The following LDB2 variants were observed in gnomAD, a reference collection of about 807,000 sequenced individuals.
LDB2 encodes LIM domain-binding protein 2.
In LDB2, 12 loss-of-function variants were observed where a neutral mutation model predicts 44.3. The observed-to-expected ratio is 0.27, with a 90% CI of 0.17 to 0.44. The LOEUF (loss-of-function observed/expected upper bound fraction) is 0.44. Ranked by LOEUF, LDB2 falls within the 20% of genes least tolerant of loss-of-function variation. The pLI is 1.00. For synonymous variants in LDB2, 164 were observed against 174.8 expected, an observed-to-expected ratio of 0.94 and a Z score of 0.49; for missense variants, 344 against 473.5, an observed-to-expected ratio of 0.73 and a Z score of 2.54.
intron 6 of LDB2, among the ~76,000 whole-genome samples, chr4:16,509,917 A>G (rs1011448803): frequency 1.3e-5 from 2 of 152,156 alleles, no homozygotes; most frequent in African/African-American, 4.8e-5. Flanking sequence ...GGAATTCGAG[A>G]CCAACTTGGG....
At chr4:16,821,754 A>G (rs1226720604) in intron 1 of LDB2, among the ~76,000 whole-genome samples, 3 of 148,648 alleles carry the variant, frequency 2.0e-5, no homozygotes, top group Admixed American at 6.7e-5. Flanking sequence ...AGCAAAAAAA[A>G]AAAAAAAAAA....
At chr4:16,836,957 T>C (rs1249578942) in intron 1 of LDB2, among the ~76,000 whole-genome samples, 3 of 152,320 alleles carry the variant, frequency 2.0e-5, no homozygotes, top group African/African-American at 7.2e-5. Context: ...TCATTCATAT[T>C]ACACACACTG....
chr4:16,535,222 C>A (rs908794056), intron 5 of LDB2, among the ~76,000 whole-genome samples: 9 of 152,234 alleles, frequency 5.9e-5, no homozygotes, highest in Middle Eastern at 3.4e-3. Context: ...GCAGGAGAGA[C>A]CCTCATCTAA....
At chr4:16,743,886 A>G (rs1763841610) in intron 2 of LDB2, among the ~76,000 whole-genome samples, 2 of 152,140 alleles carry the variant, frequency 1.3e-5, no homozygotes, top group Admixed American at 1.3e-4. Flanking sequence ...ATTTCGATTC[A>G]CTAAGTTTTT....
chr4:16,605,314 C>T (rs1186573661), intron 2 of LDB2, among the ~76,000 whole-genome samples: 1 of 152,088 alleles, frequency 6.6e-6, no homozygotes, highest in Non-Finnish European at 1.5e-5. Context: ...GAGAGAAATT[C>T]CACGATCAGA....
chr4:16,712,136 C>G (rs573364943), intron 2 of LDB2, among the ~76,000 whole-genome samples: 1 of 152,246 alleles, frequency 6.6e-6, no homozygotes, highest in Non-Finnish European at 1.5e-5. Flanking sequence ...AGTACACACG[C>G]TTGGAGAAAA....
chr4:16,749,658 A>G (rs1462730951), intron 2 of LDB2, among the ~76,000 whole-genome samples: 1 of 151,506 alleles, frequency 6.6e-6, no homozygotes, highest in Admixed American at 6.6e-5. Flanking sequence ...TTGCTCTATA[A>G]TACAAAACAG....
In LDB2 at chr4:16,567,382, G is replaced by GTGCGCGTGTGTGCA. The variant is rs1292781371; in HGVS notation, c.615+18526_615+18539dup. Among the ~76,000 whole-genome samples, 11 of 59,254 alleles carry GTGCGCGTGTGTGCA rather than the reference G, an allele frequency of 1.9e-4. No individual in the cohort carries two copies. In the East Asian group the frequency reaches 2.6e-3, roughly 14 times the overall value. 38.9% of individuals were successfully genotyped at this position (59,254 alleles called of 152,430 possible). A position where few individuals can be genotyped will look rare whatever the true frequency, so the allele number is the denominator to read the frequency against. ...GCAGACATAGAGTGTGTGTGTGTGTGTGCGCGTGTGTGCATGCGTGTGTGT... is the reference window on the plus strand; with the variant it reads ...GCAGACATAGAGTGTGTGTGTGTGTGTGCGCGTGTGTGCATGCGCGTGTGTGCATGCGTGTGTGT... On this transcript the variant is annotated intron_variant, in intron 5 of 7. Transcript: ENST00000304523.
intron 2 of LDB2, chr4:16,741,576 T>C (rs1216662124): frequency 2.0e-5 from 3 of 152,220 alleles, no homozygotes; most frequent in African/African-American, 4.8e-5. Context: ...TCCAGTCAGA[T>C]CCAGTCTATC....
intron 1 of LDB2, among the ~76,000 whole-genome samples, chr4:16,864,148 AAAC>A (rs1408671044): frequency 2.0e-5 from 3 of 152,170 alleles, no homozygotes; most frequent in Non-Finnish European, 2.9e-5. Flanking sequence ...CCTGCAGCAA[AAAC>A]CCTTTATTTT....
In LDB2 at chr4:16,636,953, G is replaced by C. The variant is rs560351249; in HGVS notation, c.236-41078C>G. Among the ~76,000 whole-genome samples, 3 of 152,266 alleles carry C rather than the reference G, an allele frequency of 2.0e-5. No individual in the cohort carries two copies. The South Asian group carries it at 6.2e-4, about 32-fold the overall frequency. ...GTTTACTCTGCAATTTGTACTCCCT[G>C]ATAACAAAAATTTTCCAGATAGGAC... is the stretch of plus-strand genomic sequence containing the variant. On this transcript the variant is annotated intron_variant, in intron 2 of 7. Transcript: ENST00000304523.
chr4:16,612,507 C>G (rs183058995), intron 2 of LDB2, among the ~76,000 whole-genome samples: 1 of 151,878 alleles, frequency 6.6e-6, no homozygotes, highest in Admixed American at 6.6e-5. Context: ...CAAATAGACA[C>G]GGTAAAAAAA....
At chr4:16,844,087 TA>T (rs71181192) in intron 1 of LDB2, among the ~76,000 whole-genome samples, 22,254 of 117,712 alleles carry the variant, frequency 0.19, 2,225 homozygotes, top group Non-Finnish European at 0.24. Flanking sequence ...ACCCCATCTC[TA>T]AAAAAAAAAA....
At chr4:16,546,285 A>G (rs1184068637) in intron 5 of LDB2, among the ~76,000 whole-genome samples, 1 of 152,256 alleles carries the variant, frequency 6.6e-6, no homozygotes, top group Admixed American at 6.5e-5. Context: ...ACAGGTATCT[A>G]CGTTTGAAGG....
In LDB2 at chr4:16,533,167, T is replaced by C. The variant is rs915142399; in HGVS notation, c.616-21063A>G. On this transcript the variant is annotated intron_variant, in intron 5 of 7. Transcript: ENST00000304523. This position sits in a 1 kb window ranked among gnomAD's most constrained non-coding sequence, Gnocchi z 4.1. ...ACCCTAGATGGAAGAGTCACTGGCCTGAGCCTGAAGGAAACTAGGAAGGGA... is the reference window on the plus strand; with the variant it reads ...ACCCTAGATGGAAGAGTCACTGGCCCGAGCCTGAAGGAAACTAGGAAGGGA... 6.6e-6 allele frequency among the ~76,000 whole-genome samples: 1 copy of C among 152,138 alleles called. No individual in the cohort carries two copies. The highest frequency in any genetic ancestry group is 1.5e-5 in the Non-Finnish European group (1 of 68,006).
chr4:16,690,252 G>A (rs1001954134), intron 2 of LDB2, among the ~76,000 whole-genome samples: 4 of 151,754 alleles, frequency 2.6e-5, no homozygotes, highest in Non-Finnish European at 4.4e-5. Context: ...GGTTTTTTCA[G>A]GAGCTTAAGA....
intron 5 of LDB2, among the ~76,000 whole-genome samples, chr4:16,566,028 A>G (rs1744398527): frequency 6.6e-6 from 1 of 152,036 alleles, no homozygotes; most frequent in South Asian, 2.1e-4. Context: ...GACACAAGAA[A>G]GATCTCAAAA....
intron 5 of LDB2, among the ~76,000 whole-genome samples, chr4:16,570,116 A>G (rs984634457): frequency 2.1e-4 from 32 of 152,266 alleles, no homozygotes; most frequent in Admixed American, 1.3e-3. Flanking sequence ...TTCACTGCAT[A>G]TCAGGTCCTT....
At chr4:16,743,549 C>T (rs1401880676) in intron 2 of LDB2, among the ~76,000 whole-genome samples, 1 of 152,054 alleles carries the variant, frequency 6.6e-6, no homozygotes, top group Non-Finnish European at 1.5e-5. Context: ...CTGGGCAGGT[C>T]TGATATAATG....
Sources: gnomAD v4.1 joint callset for allele counts (sites outside exome capture counted in the v4.1 genomes callset) on GRCh38, gnomAD v4.1.1 for gene constraint, Gnocchi (gnomAD v3.1) non-coding constraint, MANE v1.5 for transcripts, NCBI Gene and HGNC (gene_info 2026-07-23, HGNC 2026-07-21) for gene names.